VCL: variants seen among roughly 807,000 people sequenced by gnomAD.
VCL encodes epididymis luminal protein 114.
In VCL, 47 loss-of-function variants were observed where a neutral mutation model predicts 125.7. That is an observed-to-expected ratio of 0.37 (90% confidence interval 0.30 to 0.48). The LOEUF is 0.48. VCL is among the 20% of genes least tolerant of loss of function. The pLI, the probability that VCL is intolerant of heterozygous loss-of-function variation, is 0.99. For synonymous variants in VCL, 458 were observed against 514.6 expected (o/e 0.89, Z 1.49); for missense variants, 1,069 against 1,455.5 (o/e 0.73, Z 4.32).
At chr10:74,113,256 A>G (rs61078042) in intron 19 of VCL, among the ~76,000 whole-genome samples, 511 of 152,352 alleles carry the variant, frequency 3.4e-3, no homozygotes, top group African/African-American at 0.011. Context: ...GAGGGCACAG[A>G]ATACATAACT....
intron 10 of VCL, among the ~76,000 whole-genome samples, chr10:74,092,282 G>A (rs188790181): frequency 6.6e-6 from 1 of 152,306 alleles, no homozygotes; most frequent in East Asian, 1.9e-4. Flanking sequence ...GAGGACCTGA[G>A]ATGGAAAATG....
chr10:74,054,973 T>G (rs376671011), intron 2 of VCL, among the ~76,000 whole-genome samples: 17 of 151,966 alleles, frequency 1.1e-4, no homozygotes, highest in Admixed American at 8.5e-4. Context: ...AGTGAGATTT[T>G]AAATTATTTC....
chr10:74,011,046 C>T (rs577102806), intron 1 of VCL, among the ~76,000 whole-genome samples: 172 of 151,918 alleles, frequency 1.1e-3, no homozygotes, highest in African/African-American at 3.9e-3. Flanking sequence ...TGGCAGGTGC[C>T]TGTAATCCCA....
At chr10:74,093,818 C>CA (rs1839925998) in intron 10 of VCL, among the ~76,000 whole-genome samples, 1 of 152,044 alleles carries the variant, frequency 6.6e-6, no homozygotes, top group African/African-American at 2.4e-5. Flanking sequence ...AAAAAACAAA[C>CA]AACAACAAAA....
intron 1 of VCL, among the ~76,000 whole-genome samples, chr10:74,029,843 T>C (rs528092422): frequency 4.6e-4 from 70 of 152,290 alleles, no homozygotes; most frequent in African/African-American, 1.7e-3. Context: ...ATGAAGGCAA[T>C]ACATAGTTGA....
At chr10:74,011,794 T>C (rs1840441453) in intron 1 of VCL, among the ~76,000 whole-genome samples, 2 of 152,224 alleles carry the variant, frequency 1.3e-5, no homozygotes, top group African/African-American at 2.4e-5. Flanking sequence ...TCCATGTCAC[T>C]TCTATCAGAA....
chr10:74,022,640 CTT>C (rs1388462004), intron 1 of VCL, among the ~76,000 whole-genome samples: 13 of 142,848 alleles, frequency 9.1e-5, no homozygotes, highest in Non-Finnish European at 9.2e-5. Context: ...TCCGTAATGT[CTT>C]TTTTTTTTTT....
At chr10:74,030,370 T>C (rs1426079071) in intron 1 of VCL, among the ~76,000 whole-genome samples, 1 of 152,238 alleles carries the variant, frequency 6.6e-6, no homozygotes, top group Non-Finnish European at 1.5e-5. Flanking sequence ...TCAAACAAAA[T>C]AGTCTGTGTG....
intron 13 of VCL, among the ~76,000 whole-genome samples, chr10:74,099,906 T>C (rs1840024296): frequency 6.6e-6 from 1 of 152,072 alleles, no homozygotes; most frequent in Non-Finnish European, 1.5e-5. Context: ...CTTGAGAAGA[T>C]AGACACAGAA....
chr10:74,070,781 T>C lies in VCL; in HGVS notation c.351T>C (p.Ser117=). The change falls in exon 3 of 22, where the codon TCT becomes TCC. Residue 117 remains serine (S), a synonymous_variant. Coordinates refer to ENST00000211998, the MANE Select transcript of VCL (RefSeq NM_014000.3). The stretch of plus-strand genomic sequence containing the variant: ...TTGATGGGTCAAGGGGCATCCTCTC[T>C]GGAACATCAGACCTGCTCCTTACCT... The part of the protein sequence containing the change: ...YLIDGSRGIL[S]GTSDLLLTFD... 6.2e-7 allele frequency: 1 copy of C among 1,614,134 alleles called. No individual in the cohort carries two copies. The highest frequency in any genetic ancestry group is 1.3e-5 in the African/African-American group (1 of 75,048).
rs1840342293 is a variant in VCL, at chr10:74,118,267, A to G, written c.*98A>G. On this transcript the variant is annotated 3_prime_UTR_variant, in exon 22 of 22. Coordinates refer to ENST00000211998, the MANE Select transcript of VCL (RefSeq NM_014000.3). The stretch of plus-strand genomic sequence containing the variant: ...GCCCAGAGTTGCTGGGAGCTGAAAA[A>G]TCACATCCTGGCCTGGCACATCAGA... The G allele has an allele frequency of 6.7e-7, 1 of 1,500,806 alleles. No individual in the cohort carries two copies. Among genetic ancestry groups the G allele is most frequent in the African/African-American group, 1.4e-5 (1 of 72,604 alleles). 93.0% of individuals were successfully genotyped at this position (1,500,806 alleles called of 1,614,324 possible).
intron 1 of VCL, chr10:74,005,079 G>A (rs1402227791): frequency 6.6e-6 from 1 of 152,072 alleles, no homozygotes; most frequent in African/African-American, 2.4e-5. Context: ...CAGATGAAGA[G>A]TTTTTGTGGT....
chr10:74,037,697 T>A (rs1384126800), intron 1 of VCL, among the ~76,000 whole-genome samples: 1 of 152,246 alleles, frequency 6.6e-6, no homozygotes, highest in Non-Finnish European at 1.5e-5. Flanking sequence ...TGTGCTCTTC[T>A]CTTTGTTTGG....
intron 16 of VCL, 56 bp downstream of exon 16, chr10:74,105,409 G>C (rs1327026575): frequency 6.2e-7 from 1 of 1,607,328 alleles, no homozygotes; most frequent in Non-Finnish European, 8.5e-7. Flanking sequence ...CTCAGGAAAG[G>C]TCGTGAGGGA....
intron 18 of VCL, among the ~76,000 whole-genome samples, chr10:74,110,518 C>T (rs916542537): frequency 5.3e-5 from 8 of 152,170 alleles, no homozygotes; most frequent in African/African-American, 9.7e-5. Context: ...GTCTGTCAAC[C>T]TATCTGTCTT....
chr10:74,105,069 T>C lies in VCL; in HGVS notation c.2150T>C (p.Ile717Thr), dbSNP rs1348791146. 6.2e-7 allele frequency: 1 copy of C among 1,614,212 alleles called. No individual in the cohort carries two copies. Among genetic ancestry groups the C allele is most frequent in the Non-Finnish European group, 8.5e-7 (1 of 1,180,040 alleles). The change falls in exon 16 of 22, where the codon ATT becomes ACT. Residue 717 changes from isoleucine (I) to threonine (T), a missense_variant. By Grantham distance (89) the Ile-to-Thr change is moderately conservative. Transcript: ENST00000211998. ...EKMTGLVDEA[I>T]DTKSLLDASE... The stretch of plus-strand genomic sequence containing the variant: ...CTAACAGGGCTGGTGGACGAAGCCA[T>C]TGATACCAAATCTCTGTTGGATGCT...
intron 2 of VCL, among the ~76,000 whole-genome samples, chr10:74,056,997 T>G (rs1014203394): frequency 2.0e-5 from 3 of 152,086 alleles, no homozygotes; most frequent in Non-Finnish European, 2.9e-5. Context: ...CTGGATAGAG[T>G]ACAGTGGCAT....
intron 2 of VCL, among the ~76,000 whole-genome samples, chr10:74,049,430 G>A (rs140721475): frequency 8.1e-4 from 124 of 152,216 alleles, no homozygotes; most frequent in Non-Finnish European, 1.2e-3. Context: ...ATTTTAAGAC[G>A]TTTCCAATTA....
chr10:74,036,085 A>G (rs1000592541), intron 1 of VCL, among the ~76,000 whole-genome samples: 1 of 152,232 alleles, frequency 6.6e-6, no homozygotes, highest in Non-Finnish European at 1.5e-5. Context: ...ACCAAGAGAC[A>G]TGACTATATT....
Sources: allele counts gnomAD v4.1 joint callset (sites outside exome capture counted in the v4.1 genomes callset), GRCh38; gene constraint gnomAD v4.1.1; transcripts MANE v1.5; gene names NCBI Gene and HGNC (gene_info 2026-07-23, HGNC 2026-07-21).